The following ASB1 variants were observed in gnomAD, a reference collection of about 807,000 sequenced individuals.
The protein encoded by ASB1 is ankyrin repeat and SOCS box containing 1.
Under a neutral mutation model 27.7 loss-of-function variants are expected in ASB1, and 18 were observed. The ratio of observed to expected loss-of-function variants is 0.65; its 90% CI spans 0.45 to 0.96. The LOEUF (loss-of-function observed/expected upper bound fraction) is 0.96. Ranked by LOEUF, ASB1 falls within the 50% of genes least tolerant of loss-of-function variation. ASB1 has a pLI of 0.00. For synonymous variants in ASB1, 189 were observed against 187.6 expected, an observed-to-expected ratio of 1.01 and a Z score of -0.06; for missense variants, 397 against 451.7, an observed-to-expected ratio of 0.88 and a Z score of 1.10.
At position 238,451,060 on chromosome 2, in the gene ASB1, T is replaced by C. The variant is rs1702274004; in HGVS notation, c.*4549T>C. 6.6e-6 allele frequency: 1 copy of C among 151,456 alleles called. No homozygotes were observed. Among genetic ancestry groups the C allele is most frequent in the African/African-American group, 2.4e-5 (1 of 41,218 alleles). The allele number at this position is 151,456 out of a possible 1,614,324, so 9.4% of individuals were successfully genotyped here. A position where few individuals can be genotyped will look rare whatever the true frequency, so the allele number is the denominator to read the frequency against. Reference sequence around the variant, plus strand: ...CAAACCCGAACCTCTCAGTGTGGAATGAACGCTCCAAACCCGAACCTCTCA... The same window carrying C: ...CAAACCCGAACCTCTCAGTGTGGAACGAACGCTCCAAACCCGAACCTCTCA... On this transcript the variant is annotated 3_prime_UTR_variant, in exon 5 of 5. Coordinates refer to ENST00000264607, the MANE Select transcript of ASB1 (RefSeq NM_001040445.3).
rs758248442 is a variant in ASB1 at position 238,444,577 on chromosome 2, C to T, written c.730C>T (p.Leu244=). 25 of 1,614,088 alleles carry T rather than the reference C, an allele frequency of 1.5e-5. No individual in the cohort carries two copies. The highest frequency in any genetic ancestry group is 2.7e-5 in the African/African-American group (2 of 74,928). The part of the protein sequence containing the change: ...GSPGCVMDAV[L]RHGCEAAFVS... ...CCCTGGGTGCGTCATGGATGCTGTTCTGCGCCACGGCTGTGAGGCAGCCTT... is the reference window on the plus strand; with the variant it reads ...CCCTGGGTGCGTCATGGATGCTGTTTTGCGCCACGGCTGTGAGGCAGCCTT... Residue 244 remains leucine, a synonymous_variant, in exon 4 of 5, where the codon CTG becomes TTG. Transcript: ENST00000264607.
At chr2:238,443,886 C>A (rs1421964856) in intron 3 of ASB1, among the ~76,000 whole-genome samples, 1 of 152,068 alleles carries the variant, frequency 6.6e-6, no homozygotes, top group Non-Finnish European at 1.5e-5. Flanking sequence ...TGGTATATTG[C>A]TTTCTTAATA....
At chr2:238,441,225 C>G (rs1702072227) in intron 3 of ASB1, among the ~76,000 whole-genome samples, 1 of 151,940 alleles carries the variant, frequency 6.6e-6, no homozygotes, top group African/African-American at 2.4e-5. Context: ...ACCTCTGCCC[C>G]CTGGGTTCAA....
intron 3 of ASB1, among the ~76,000 whole-genome samples, chr2:238,436,367 TTTCCTCTTTG>T (rs1216654617): frequency 1.3e-5 from 2 of 152,190 alleles, no homozygotes; most frequent in African/African-American, 2.4e-5. Context: ...TTGAAGTTGA[TTTCCTCTTTG>T]TTCTTAGAGT....
At chr2:238,432,895 C>T (rs1217617087) in intron 1 of ASB1, among the ~76,000 whole-genome samples, 9 of 151,900 alleles carry the variant, frequency 5.9e-5, no homozygotes, top group Non-Finnish European at 1.0e-4. Context: ...TACAGGTGCG[C>T]GGCACCACGC....
chr2:238,445,923 T>C (rs539670213), intron 4 of ASB1, among the ~76,000 whole-genome samples: 24 of 152,354 alleles, frequency 1.6e-4, no homozygotes, highest in South Asian at 6.2e-4. Flanking sequence ...GCTCTTTTCA[T>C]TGGGGGCAAA....
intron 2 of ASB1, 89 bp from the exon 3 acceptor site, chr2:238,435,622 G>A (rs11885523): frequency 0.11 from 146,236 of 1,343,388 alleles, 8,718 homozygotes; most frequent in Non-Finnish European, 0.12. Flanking sequence ...GAGGGGGACC[G>A]TGTCCATGCT....
Position 238,450,537 on chromosome 2 carries a change from T to C in ASB1, c.*4026T>C, listed in dbSNP as rs761851449. 6.6e-6 allele frequency: 1 copy of C among 152,258 alleles called. No individual in the cohort carries two copies. Among genetic ancestry groups the C allele is most frequent in the Non-Finnish European group, 1.5e-5 (1 of 68,048 alleles). 9.4% of individuals were successfully genotyped at this position (152,258 alleles called of 1,614,324 possible). A position where few individuals can be genotyped will look rare whatever the true frequency, so the allele number is the denominator to read the frequency against. Reference sequence around the variant, plus strand: ...TCACGGAACCGCAGTCTAGCTGTGGTGCATGTTTACGTATTGGTGAGAAAT... The same window carrying C: ...TCACGGAACCGCAGTCTAGCTGTGGCGCATGTTTACGTATTGGTGAGAAAT... On this transcript the variant is annotated 3_prime_UTR_variant, in exon 5 of 5. Transcript: ENST00000264607.
chr2:238,433,754 C>CT, intron 2 of ASB1, 59 bp downstream of exon 2: 1 of 1,586,804 alleles, frequency 6.3e-7, no homozygotes, highest in Non-Finnish European at 8.6e-7. Flanking sequence ...CTGTGTGAAG[C>CT]TGAGCCCCAC....
At chr2:238,433,247 A>G (rs1261883151) in intron 1 of ASB1, 1 of 252,728 alleles carries the variant, frequency 4.0e-6, no homozygotes, top group African/African-American at 2.2e-5. Flanking sequence ...TGGTGTCAGG[A>G]GTGTGCTAAT....
intron 3 of ASB1, among the ~76,000 whole-genome samples, chr2:238,438,532 A>G (rs2106406661): frequency 6.6e-6 from 1 of 152,246 alleles, no homozygotes; most frequent in East Asian, 1.9e-4. Context: ...CGTTACTAAG[A>G]CATCTTACTC....
chr2:238,432,390 G>A (rs1217549834), intron 1 of ASB1, among the ~76,000 whole-genome samples: 2 of 152,118 alleles, frequency 1.3e-5, no homozygotes, highest in East Asian at 1.9e-4. Flanking sequence ...TGTTGTTTTT[G>A]AGTTTTATAG....
At position 238,450,001 on chromosome 2, in the gene ASB1, G is replaced by A. The variant is rs1702252692; in HGVS notation, c.*3490G>A. On this transcript the variant is annotated 3_prime_UTR_variant, in exon 5 of 5. Coordinates refer to ENST00000264607, the MANE Select transcript of ASB1 (RefSeq NM_001040445.3). ...CAGAGGCAGCTCCACTTCAGACAGG[G>A]ACAAGGCTTCCTGCTGTGCCTTTCT... 2 of 152,306 alleles carry A rather than the reference G, an allele frequency of 1.3e-5. No homozygotes were observed. The highest frequency in any genetic ancestry group is 4.8e-5 in the African/African-American group (2 of 41,474). 9.4% of individuals were successfully genotyped at this position (152,306 alleles called of 1,614,324 possible).
intron 4 of ASB1, among the ~76,000 whole-genome samples, chr2:238,445,369 C>T (rs748573879): frequency 1.2e-4 from 18 of 152,144 alleles, no homozygotes; most frequent in Non-Finnish European, 2.4e-4. Context: ...TTTAAATGAG[C>T]CCTTAAAACA....
At chr2:238,444,299 G>A in intron 3 of ASB1, 43 bp from the exon 4 acceptor site, 1 of 1,557,354 alleles carries the variant, frequency 6.4e-7, no homozygotes, top group South Asian at 1.2e-5. Flanking sequence ...GTGGGCTGTG[G>A]TCAGTCCCCT....
intron 1 of ASB1, among the ~76,000 whole-genome samples, chr2:238,432,193 T>C (rs1701883246): frequency 6.6e-6 from 1 of 152,218 alleles, no homozygotes; most frequent in South Asian, 2.1e-4. Context: ...AGGTCTTTTC[T>C]CTGTACACTT....
chr2:238,434,315 G>T (rs12988317), intron 2 of ASB1, among the ~76,000 whole-genome samples: 10,367 of 152,236 alleles, frequency 0.068, 583 homozygotes, highest in African/African-American at 0.14. Context: ...CAGGACACCT[G>T]GGGGAGCAGA....
chr2:238,439,837 C>T (rs1485774108), intron 3 of ASB1, among the ~76,000 whole-genome samples: 1 of 152,166 alleles, frequency 6.6e-6, no homozygotes, highest in African/African-American at 2.4e-5. Context: ...ATGTTTCGCT[C>T]CCGTAAAGCT....
chr2:238,431,070 G>A (rs1559412006), intron 1 of ASB1, among the ~76,000 whole-genome samples: 1 of 152,218 alleles, frequency 6.6e-6, no homozygotes, highest in African/African-American at 2.4e-5. Context: ...GCTAGGCATT[G>A]CCTTCTCCTC....
Sources: gnomAD v4.1 joint callset for allele counts (sites outside exome capture counted in the v4.1 genomes callset) on GRCh38, gnomAD v4.1.1 for gene constraint, MANE v1.5 for transcripts, NCBI Gene and HGNC (gene_info 2026-07-23, HGNC 2026-07-21) for gene names.